Variants in CPNE4 observed in about 807,000 individuals in gnomAD.
CPNE4 encodes copine 4, also known as copine-4.
CPNE4 carries 25 observed loss-of-function variants against 67.9 expected under a neutral mutation model. The ratio of observed to expected loss-of-function variants is 0.37; its 90% confidence interval spans 0.27 to 0.51. The LOEUF is 0.51. CPNE4 is among the 20% of genes least tolerant of loss of function. CPNE4 has a pLI of 0.93. For missense variants in CPNE4, 464 were observed against 690.8 expected (o/e 0.67, Z 3.68); for synonymous variants, 242 against 244.9 (o/e 0.99, Z 0.11).
At chr3:131,935,217 G>A (rs2071188562) in intron 1 of CPNE4, among the ~76,000 whole-genome samples, 1 of 152,204 alleles carries the variant, frequency 6.6e-6, no homozygotes, top group Non-Finnish European at 1.5e-5. Context: ...AGTTTGGCTG[G>A]GATCAGGCAG....
intron 7 of CPNE4, among the ~76,000 whole-genome samples, chr3:131,609,254 G>A (rs1939682476): frequency 6.6e-6 from 1 of 152,136 alleles, no homozygotes; most frequent in Non-Finnish European, 1.5e-5. Flanking sequence ...TATATTTTAG[G>A]TGCTTTACAA....
At chr3:131,559,827 G>A (rs1038319635) in intron 11 of CPNE4, among the ~76,000 whole-genome samples, 6 of 151,818 alleles carry the variant, frequency 4.0e-5, no homozygotes, top group East Asian at 1.9e-4. Flanking sequence ...AAATAGTTAC[G>A]GCATTTAGAT....
chr3:131,952,173 G>T (rs2107890279), intron 1 of CPNE4, among the ~76,000 whole-genome samples: 1 of 150,776 alleles, frequency 6.6e-6, no homozygotes, highest in South Asian at 2.1e-4. Context: ...TCTCTGCCCG[G>T]CCGCCCATCG....
intron 8 of CPNE4, among the ~76,000 whole-genome samples, chr3:131,586,990 T>C (rs890235209): frequency 6.6e-6 from 1 of 152,182 alleles, no homozygotes; most frequent in African/African-American, 2.4e-5. Context: ...ATGAAAGTAT[T>C]ATTAATGTCA....
intron 7 of CPNE4, among the ~76,000 whole-genome samples, chr3:131,609,242 T>C (rs186317117): frequency 4.8e-4 from 73 of 152,298 alleles, no homozygotes; most frequent in African/African-American, 1.7e-3. Context: ...CAAGGAACTT[T>C]GTATATTTTA....
At chr3:131,948,528 G>C (rs535150797) in intron 1 of CPNE4, among the ~76,000 whole-genome samples, 1 of 152,144 alleles carries the variant, frequency 6.6e-6, no homozygotes, top group Non-Finnish European at 1.5e-5. Context: ...AGATGTTATT[G>C]TAAGTGAAAT....
chr3:131,697,859 C>A (rs1189722410), intron 4 of CPNE4, among the ~76,000 whole-genome samples: 1 of 152,092 alleles, frequency 6.6e-6, no homozygotes, highest in African/African-American at 2.4e-5. Context: ...ATTTCATGCA[C>A]CTTTTCAAGT....
intron 7 of CPNE4, among the ~76,000 whole-genome samples, chr3:131,667,627 T>TTCTTTTTTTCCTTC (rs2080298746): frequency 2.0e-5 from 3 of 151,928 alleles, no homozygotes; most frequent in African/African-American, 7.2e-5. Context: ...TTCTTTCCTT[T>TTCTTTTTTTCCTTC]CTTCTTTTTT....
chr3:131,970,645 G>A (rs2072476781), intron 1 of CPNE4, among the ~76,000 whole-genome samples: 1 of 152,172 alleles, frequency 6.6e-6, no homozygotes, highest in African/African-American at 2.4e-5. Context: ...GTCCTCTAGA[G>A]CTACTGCTTT....
intron 11 of CPNE4, among the ~76,000 whole-genome samples, chr3:131,561,615 A>G (rs1277605323): frequency 6.6e-6 from 1 of 152,008 alleles, no homozygotes; most frequent in East Asian, 1.9e-4. Flanking sequence ...TACAAGGCAA[A>G]AAGAAAACTC....
At chr3:131,942,517 C>T (rs1309406158) in intron 1 of CPNE4, among the ~76,000 whole-genome samples, 1 of 97,048 alleles carries the variant, frequency 1.0e-5, no homozygotes, top group Admixed American at 1.1e-4. Flanking sequence ...AGAGAGAGAT[C>T]ATTTTATTTT....
At chr3:131,699,882 A>C in intron 4 of CPNE4, 27 bp downstream of exon 4, 3 of 1,600,230 alleles carry the variant, frequency 1.9e-6, no homozygotes, top group Non-Finnish European at 1.7e-6. Context: ...ACTCAGGCAG[A>C]CAGCTGCTTA....
intron 13 of CPNE4, among the ~76,000 whole-genome samples, chr3:131,551,325 T>G (rs1398334101): frequency 6.6e-6 from 1 of 152,152 alleles, no homozygotes; most frequent in East Asian, 1.9e-4. Context: ...AGTTAAGTGA[T>G]GCTGAATAGA....
intron 1 of CPNE4, among the ~76,000 whole-genome samples, chr3:131,952,488 C>T (rs1453862432): frequency 4.3e-4 from 42 of 98,678 alleles, no homozygotes; most frequent in African/African-American, 1.2e-3. Flanking sequence ...GTCAGCGCCC[C>T]GCCAGGCCAG....
chr3:131,649,594 C>G (rs2107620674), intron 7 of CPNE4, among the ~76,000 whole-genome samples: 1 of 152,344 alleles, frequency 6.6e-6, no homozygotes, highest in Non-Finnish European at 1.5e-5. Context: ...CCTTTCACTT[C>G]TAACTGTGAG....
chr3:131,945,783 G>A (rs1036973266), intron 1 of CPNE4, among the ~76,000 whole-genome samples: 1 of 152,128 alleles, frequency 6.6e-6, no homozygotes, highest in African/African-American at 2.4e-5. Context: ...CACACACATA[G>A]AGAATATGAT....
At chr3:131,651,688 T>C (rs2079819120) in intron 7 of CPNE4, among the ~76,000 whole-genome samples, 1 of 152,174 alleles carries the variant, frequency 6.6e-6, no homozygotes, top group Non-Finnish European at 1.5e-5. Flanking sequence ...TTGTTAACCT[T>C]GCAATTTTGT....
At chr3:131,788,211 T>A (rs950550537) in intron 2 of CPNE4, among the ~76,000 whole-genome samples, 1 of 151,708 alleles carries the variant, frequency 6.6e-6, no homozygotes, top group South Asian at 2.1e-4. Context: ...AAATGAGCAA[T>A]TGGAATTTAA....
At chr3:131,977,292 C>A (rs2072687353) in intron 1 of CPNE4, among the ~76,000 whole-genome samples, 1 of 152,076 alleles carries the variant, frequency 6.6e-6, no homozygotes. Flanking sequence ...CAAAGTGGAC[C>A]AAGTTACCAC....
Sources: gnomAD v4.1 joint callset for allele counts (sites outside exome capture counted in the v4.1 genomes callset) on GRCh38, gnomAD v4.1.1 for gene constraint, MANE v1.5 for transcripts, NCBI Gene and HGNC (gene_info 2026-07-23, HGNC 2026-07-21) for gene names.